Variants in FER observed in about 807,000 individuals in gnomAD.
FER encodes the protein tyrosine-protein kinase Fer.
A neutral mutation model predicts 111.0 loss-of-function variants in FER; 63 were observed. The observed-to-expected ratio is 0.57, with a 90% CI of 0.46 to 0.70. FER has a LOEUF of 0.70. FER is among the 30% of genes least tolerant of loss of function. The pLI, the probability that FER is intolerant of heterozygous loss-of-function variation, is 0.00. For synonymous variants in FER, 327 were observed against 313.9 expected (o/e 1.04, Z -0.44); for missense variants, 914 against 954.0 (o/e 0.96, Z 0.55).
At chr5:109,055,776 G>GT (rs1310730008) in intron 16 of FER, among the ~76,000 whole-genome samples, 1 of 120,908 alleles carries the variant, frequency 8.3e-6, no homozygotes, top group African/African-American at 3.4e-5. Flanking sequence ...CCACAACAGA[G>GT]TGAAACCTTG....
chr5:108,999,340 C>T (rs1312995308), intron 13 of FER, among the ~76,000 whole-genome samples: 1 of 152,086 alleles, frequency 6.6e-6, no homozygotes, highest in Non-Finnish European at 1.5e-5. Context: ...ATTATATTCA[C>T]CTGTATGGAT....
chr5:108,923,786 G>T (rs1242465671), intron 10 of FER, among the ~76,000 whole-genome samples: 2 of 151,952 alleles, frequency 1.3e-5, no homozygotes, highest in African/African-American at 4.8e-5. Context: ...TTTTATTTCT[G>T]TTGAGACCTT....
Position 108,798,281 on chromosome 5 carries a change from C to T in FER, c.99C>T (p.Ala33=). 6.2e-7 allele frequency: 1 copy of T among 1,613,584 alleles called. No individual in the cohort carries two copies. The highest frequency in any genetic ancestry group is 8.5e-7 in the Non-Finnish European group (1 of 1,179,776). The change falls in exon 3 of 20, where the codon GCC becomes GCT. Residue 33 remains alanine, a synonymous_variant. Transcript: ENST00000281092. ...RLLETVKKFM[A]LRIKSDKEYA... ...TGGAAACAGTAAAGAAATTTATGGC[C>T]CTGAGAATAAAAAGTGATAAAGAAT...
intron 5 of FER, among the ~76,000 whole-genome samples, chr5:108,844,996 GTATATATATA>G (rs1178206742): frequency 0.023 from 660 of 29,142 alleles, 8 homozygotes; most frequent in African/African-American, 0.06. Context: ...GTGTGTGTGT[GTATATATATA>G]TATATATATA....
intron 17 of FER, among the ~76,000 whole-genome samples, chr5:109,121,210 G>C (rs1268472032): frequency 1.3e-5 from 2 of 152,082 alleles, no homozygotes; most frequent in African/African-American, 2.4e-5. Context: ...TCCCCATTCA[G>C]TATTATACTA....
intron 16 of FER, among the ~76,000 whole-genome samples, chr5:109,099,664 T>C (rs1374147294): frequency 1.3e-5 from 2 of 151,560 alleles, no homozygotes; most frequent in Non-Finnish European, 3.0e-5. Flanking sequence ...TTAAAATAAA[T>C]TGCACGGTTT....
intron 5 of FER, among the ~76,000 whole-genome samples, chr5:108,850,206 A>T (rs948137376): frequency 6.6e-6 from 1 of 151,936 alleles, no homozygotes; most frequent in African/African-American, 2.4e-5. Context: ...AAAAAAAAAA[A>T]ATCATATTAT....
At chr5:108,944,202 G>A (rs1285274280) in intron 10 of FER, among the ~76,000 whole-genome samples, 1 of 151,778 alleles carries the variant, frequency 6.6e-6, no homozygotes, top group Non-Finnish European at 1.5e-5. Context: ...AATGAGATGC[G>A]AAACTGATAC....
rs561487272 is a variant in FER at position 109,145,074 on chromosome 5, A to G, written c.2049-35673A>G. On this transcript the variant is annotated intron_variant, in intron 17 of 19. Coordinates refer to ENST00000281092, the MANE Select transcript of FER (RefSeq NM_005246.4). ...GAAAATGTAGTTAAGCTTTATTGTT[A>G]TGTTTCAAATTAAGAGTTATGCCTT... 1.1e-3 allele frequency among the ~76,000 whole-genome samples: 161 copies of G among 150,928 alleles called. 1 individual carries two copies. The highest frequency in any genetic ancestry group is 2.0e-3 in the Non-Finnish European group (134 of 67,622).
chr5:108,907,568 T>G (rs1454965995), intron 10 of FER, among the ~76,000 whole-genome samples: 1 of 151,888 alleles, frequency 6.6e-6, no homozygotes, highest in Admixed American at 6.6e-5. Flanking sequence ...GCTGGGATTA[T>G]AGGAGTGAGC....
intron 17 of FER, among the ~76,000 whole-genome samples, chr5:109,139,350 C>CTTTTTTTTTTTTTTTTTTTTTTTT (rs59092426): frequency 2.2e-5 from 2 of 91,112 alleles, no homozygotes; most frequent in African/African-American, 8.8e-5. Context: ...TTCTTTCTTT[C>CTTTTTTTTTTTTTTTTTTTTTTTT]TTTTTTTTTT....
intron 12 of FER, among the ~76,000 whole-genome samples, chr5:108,955,709 C>T (rs1330437991): frequency 1.3e-5 from 2 of 151,724 alleles, no homozygotes; most frequent in Non-Finnish European, 3.0e-5. Flanking sequence ...AGATTGCTAT[C>T]CACAGGATTT....
intron 1 of FER, among the ~76,000 whole-genome samples, chr5:108,758,478 A>G (rs1292518450): frequency 6.6e-6 from 1 of 152,194 alleles, no homozygotes; most frequent in Non-Finnish European, 1.5e-5. Flanking sequence ...CTGAAACTAG[A>G]AGTATATTCT....
At chr5:108,854,052 A>C (rs867803905) in intron 5 of FER, among the ~76,000 whole-genome samples, 1 of 152,186 alleles carries the variant, frequency 6.6e-6, no homozygotes, top group Non-Finnish European at 1.5e-5. Flanking sequence ...CTTGTTATTC[A>C]TGGTAGTTTG....
At chr5:109,022,665 C>G (rs1768089566) in intron 13 of FER, among the ~76,000 whole-genome samples, 2 of 151,988 alleles carry the variant, frequency 1.3e-5, no homozygotes, top group Non-Finnish European at 2.9e-5. Context: ...TTAGGATGAT[C>G]AGATAAAGTT....
At chr5:108,811,814 C>T (rs1445464742) in intron 3 of FER, among the ~76,000 whole-genome samples, 2 of 152,154 alleles carry the variant, frequency 1.3e-5, no homozygotes, top group African/African-American at 4.8e-5. Context: ...TGCTCGAGGG[C>T]AGGAGGAGAT....
intron 10 of FER, among the ~76,000 whole-genome samples, chr5:108,917,643 C>A (rs1232411373): frequency 1.3e-5 from 2 of 152,228 alleles, no homozygotes; most frequent in East Asian, 3.9e-4. Flanking sequence ...AACCAAAGAA[C>A]ACAAGGGAAG....
intron 5 of FER, among the ~76,000 whole-genome samples, chr5:108,867,086 C>G (rs541024993): frequency 1.3e-5 from 2 of 152,188 alleles, no homozygotes; most frequent in Admixed American, 6.6e-5. Flanking sequence ...ACAAGCTTAT[C>G]TCTATGTAAC....
In FER at chr5:109,040,090, A is replaced by C. The variant is rs867744224; in HGVS notation, c.1713+2612A>C. Among the ~76,000 whole-genome samples the C allele has an allele frequency of 7.9e-5, 12 of 152,220 alleles. 1 individual carries two copies. The Middle Eastern group carries it at 0.017, about 216-fold the overall frequency. ...GAGAAAGATTTCAGTCCTAAGTGTA[A>C]AAGATTTCAGGGAACGAGAAGAGGT... On this transcript the variant is annotated intron_variant, in intron 14 of 19. Transcript: ENST00000281092.
Sources: gnomAD v4.1 joint callset for allele counts (sites outside exome capture counted in the v4.1 genomes callset) on GRCh38, gnomAD v4.1.1 for gene constraint, MANE v1.5 for transcripts, NCBI Gene and HGNC (gene_info 2026-07-23, HGNC 2026-07-21) for gene names.